HDGFL2: variants seen among roughly 807,000 people sequenced by gnomAD.
HDGFL2 encodes HDGF like 2.
HDGFL2 carries 36 observed loss-of-function variants against 77.1 expected under a neutral mutation model. The observed-to-expected ratio is 0.47, with a 90% confidence interval of 0.36 to 0.62. The LOEUF (loss-of-function observed/expected upper bound fraction) is 0.62. Among genes scored for constraint, HDGFL2 ranks in the 20% least tolerant of loss-of-function variants. The probability of loss-of-function intolerance (pLI) is 0.00; values close to 1 mark genes in which losing one functional copy is unlikely to be tolerated. For synonymous variants in HDGFL2, 463 were observed against 413.1 expected (o/e 1.12, Z -1.46); for missense variants, 976 against 973.4 (o/e 1.00, Z -0.04).
chr19:4,472,389 T>A lies in HDGFL2; in HGVS notation c.39T>A (p.Ala13=), dbSNP rs1974960240. The A allele has an allele frequency of 2.1e-6, 3 of 1,456,276 alleles. No homozygotes were observed. Among genetic ancestry groups the A allele is most frequent in the Non-Finnish European group, 2.7e-6 (3 of 1,101,870 alleles). 90.2% of individuals were successfully genotyped at this position (1,456,276 alleles called of 1,614,324 possible). ...HAFKPGDLVF[A]KMKGYPHWPA... ...TCAAGCCCGGGGACTTGGTGTTCGC[T>A]AAGATGAAGGGCTACCCTCACTGGC... The change falls in exon 1 of 16, where the codon GCT becomes GCA. Residue 13 remains alanine (A), a synonymous_variant. Transcript: ENST00000616600.
In HDGFL2 at chr19:4,473,273, G is replaced by A. The variant is rs1454759134; in HGVS notation, c.72+851G>A. Among the ~76,000 whole-genome samples the A allele has an allele frequency of 2.0e-5, 3 of 149,970 alleles. No homozygotes were observed. In the South Asian group the frequency reaches 6.4e-4, roughly 32 times the overall value. On this transcript the variant is annotated intron_variant, in intron 1 of 15. Coordinates refer to ENST00000616600, the MANE Select transcript of HDGFL2 (RefSeq NM_001001520.3). The stretch of plus-strand genomic sequence containing the variant: ...ATGGTCTGGGGGTCCTGGGCCTGAG[G>A]AAGCTGCGCTCTGGGGGTCTGGGGC...
In HDGFL2 at chr19:4,501,853, C is replaced by G. The variant is rs558166567; in HGVS notation, c.1917-58C>G. 1.7e-5 allele frequency: 23 copies of G among 1,323,196 alleles called. No individual in the cohort carries two copies. In the South Asian group the frequency reaches 3.5e-4, roughly 20 times the overall value. The allele number at this position is 1,323,196 out of a possible 1,614,324, so 82.0% of individuals were successfully genotyped here. A position where few individuals can be genotyped will look rare whatever the true frequency, so the allele number is the denominator to read the frequency against. Reference sequence around the variant, plus strand: ...TCGGTGCCCATCCCACCCAACCGCCCTACAGGCAGGGCAGGGGCGGGAGGG... The same window carrying G: ...TCGGTGCCCATCCCACCCAACCGCCGTACAGGCAGGGCAGGGGCGGGAGGG... On this transcript the variant is annotated intron_variant, in intron 15 of 15. Coordinates refer to ENST00000616600, the MANE Select transcript of HDGFL2 (RefSeq NM_001001520.3).
At chr19:4,483,792 T>A (rs1225945462) in intron 3 of HDGFL2, among the ~76,000 whole-genome samples, 2 of 146,408 alleles carry the variant, frequency 1.4e-5, no homozygotes, top group Non-Finnish European at 3.0e-5. Context: ...TCATGATTTT[T>A]TTTTTTTTTT....
At chr19:4,479,002 T>G (rs1355901718) in intron 3 of HDGFL2, among the ~76,000 whole-genome samples, 1 of 151,396 alleles carries the variant, frequency 6.6e-6, no homozygotes, top group African/African-American at 2.4e-5. Flanking sequence ...ATTTTTTCCA[T>G]TGAGTAGATG....
intron 3 of HDGFL2, chr19:4,486,247 G>A (rs561054101): frequency 1.3e-5 from 2 of 152,170 alleles, no homozygotes; most frequent in African/African-American, 2.4e-5. Flanking sequence ...TTGTAACTGC[G>A]TGGACTTGTC....
chr19:4,489,549 A>G lies in HDGFL2; in HGVS notation c.489+673A>G, dbSNP rs189699045. On this transcript the variant is annotated intron_variant, in intron 4 of 15. Transcript: ENST00000616600. Reference sequence around the variant, plus strand: ...CTCCGAAGTAGCTGAGATTACAGGCATCCACCACCACGCCCGGCTAATTTT... The same window carrying G: ...CTCCGAAGTAGCTGAGATTACAGGCGTCCACCACCACGCCCGGCTAATTTT... Among the ~76,000 whole-genome samples, 25 of 152,118 alleles carry G rather than the reference A, an allele frequency of 1.6e-4. No individual in the cohort carries two copies. In the East Asian group the frequency reaches 4.8e-3, roughly 29 times the overall value.
chr19:4,474,521 A>G (rs1260931675), intron 1 of HDGFL2, among the ~76,000 whole-genome samples: 2 of 151,974 alleles, frequency 1.3e-5, no homozygotes. Flanking sequence ...GGAGCCCCCT[A>G]GAAGCTGGAG....
At position 4,501,333 on chromosome 19, in the gene HDGFL2, C is replaced by T. The variant is rs762434524; in HGVS notation, c.1916+16C>T. ...ACCTGCACGAGTGAGTGTCCCGGGC[C>T]GTGGGGTTTGGACTCCTGAGCGGCA... On this transcript the variant is annotated intron_variant, in intron 15 of 15. Transcript: ENST00000616600. 40 of 1,575,520 alleles carry T rather than the reference C, an allele frequency of 2.5e-5. No homozygotes were observed. In the East Asian group the frequency reaches 3.2e-4, roughly 13 times the overall value.
intron 9 of HDGFL2, among the ~76,000 whole-genome samples, chr19:4,495,101 G>T (rs1051980642): frequency 6.6e-6 from 1 of 152,004 alleles, no homozygotes; most frequent in Non-Finnish European, 1.5e-5. Flanking sequence ...AAAAGGCTCC[G>T]AATGGGCTGG....
intron 3 of HDGFL2, among the ~76,000 whole-genome samples, chr19:4,488,373 C>T (rs1250294073): frequency 6.6e-6 from 1 of 152,226 alleles, no homozygotes; most frequent in East Asian, 1.9e-4. Context: ...GAGGTCAAAA[C>T]TGAGCCATCC....
At chr19:4,485,691 G>A (rs780140161) in intron 3 of HDGFL2, among the ~76,000 whole-genome samples, 2 of 151,606 alleles carry the variant, frequency 1.3e-5, no homozygotes, top group Non-Finnish European at 2.9e-5. Flanking sequence ...GCAGTGAACC[G>A]AGATGGCACC....
chr19:4,472,320 C>T lies in HDGFL2; in HGVS notation c.-31C>T. On this transcript the variant is annotated 5_prime_UTR_variant, in exon 1 of 16. Transcript: ENST00000616600. Reference sequence around the variant, plus strand: ...GCAGCCGCTACCGCCGCTGCAGCCGCTTTCCGCGGCCTGGGCCTCTCGCCG... The same window carrying T: ...GCAGCCGCTACCGCCGCTGCAGCCGTTTTCCGCGGCCTGGGCCTCTCGCCG... 6.8e-7 allele frequency: 1 copy of T among 1,473,726 alleles called. No individual in the cohort carries two copies. The highest frequency in any genetic ancestry group is 1.4e-5 in the South Asian group (1 of 72,038). 91.3% of individuals were successfully genotyped at this position (1,473,726 alleles called of 1,614,324 possible). A position where few individuals can be genotyped will look rare whatever the true frequency, so the allele number is the denominator to read the frequency against.
chr19:4,477,333 G>A (rs537388922), intron 3 of HDGFL2, among the ~76,000 whole-genome samples: 7 of 151,612 alleles, frequency 4.6e-5, no homozygotes, highest in South Asian at 4.2e-4. Context: ...TCCCTTGAGC[G>A]CCGAGGATCT....
chr19:4,497,031 C>T (rs545762859), intron 10 of HDGFL2: 40 of 392,872 alleles, frequency 1.0e-4, no homozygotes, highest in Admixed American at 9.8e-4. Flanking sequence ...CCCGCCACCA[C>T]GCCTGGCTAA....
chr19:4,498,512 G>A, intron 12 of HDGFL2, 136 bp downstream of exon 12: 1 of 718,898 alleles, frequency 1.4e-6, no homozygotes, highest in Non-Finnish European at 2.4e-6. Flanking sequence ...CCGGTTGCTA[G>A]TGAGCGCATG....
At chr19:4,499,920 A>T (rs528860927) in intron 14 of HDGFL2, among the ~76,000 whole-genome samples, 5 of 152,340 alleles carry the variant, frequency 3.3e-5, no homozygotes, top group South Asian at 2.1e-4. Flanking sequence ...GGCAGCCAGC[A>T]TGCAGGTAAC....
At chr19:4,497,610 T>C (rs1040843579) in intron 10 of HDGFL2, 2 of 352,356 alleles carry the variant, frequency 5.7e-6, no homozygotes, top group Non-Finnish European at 1.1e-5. Context: ...GCCTCAGCAA[T>C]GGGCCTCTCT....
chr19:4,475,167 A>G (rs1975038968), intron 1 of HDGFL2, 108 bp from the exon 2 acceptor site: 9 of 874,290 alleles, frequency 1.0e-5, no homozygotes, highest in African/African-American at 1.7e-5. Context: ...TCCTGGGTTG[A>G]AGGCTCCCCT....
chr19:4,472,321 T>G lies in HDGFL2; in HGVS notation c.-30T>G. The G allele has an allele frequency of 6.8e-7, 1 of 1,473,052 alleles. No homozygotes were observed. Among genetic ancestry groups the G allele is most frequent in the Non-Finnish European group, 9.0e-7 (1 of 1,111,348 alleles). The allele number at this position is 1,473,052 out of a possible 1,614,324, so 91.2% of individuals were successfully genotyped here. ...CAGCCGCTACCGCCGCTGCAGCCGC[T>G]TTCCGCGGCCTGGGCCTCTCGCCGT... On this transcript the variant is annotated 5_prime_UTR_variant, in exon 1 of 16. Coordinates refer to ENST00000616600, the MANE Select transcript of HDGFL2 (RefSeq NM_001001520.3).
Sources: gnomAD v4.1 joint callset for allele counts (sites outside exome capture counted in the v4.1 genomes callset) on GRCh38, gnomAD v4.1.1 for gene constraint, MANE v1.5 for transcripts, NCBI Gene and HGNC (gene_info 2026-07-23, HGNC 2026-07-21) for gene names.